Variants in MAP1LC3B2 observed in about 807,000 individuals in gnomAD.
The protein encoded by MAP1LC3B2 is microtubule associated protein 1 light chain 3 beta 2.
For synonymous variants in MAP1LC3B2, 62 were observed against 57.8 expected, an observed-to-expected ratio of 1.07 and a Z score of -0.33; for missense variants, 155 against 154.6, an observed-to-expected ratio of 1.00 and a Z score of -0.01.
intron 1 of MAP1LC3B2, among the ~76,000 whole-genome samples, chr12:116,569,104 C>T (rs546960955): frequency 5.9e-4 from 90 of 152,076 alleles, no homozygotes; most frequent in African/African-American, 2.1e-3. Flanking sequence ...CCTCATGATC[C>T]GCCCACCTCG....
At chr12:116,571,066 C>G (rs1869516256) in intron 1 of MAP1LC3B2, among the ~76,000 whole-genome samples, 1 of 152,200 alleles carries the variant, frequency 6.6e-6, no homozygotes, top group South Asian at 2.1e-4. Context: ...AGAAAATCTA[C>G]AAGTGGCCAA....
chr12:116,568,139 C>T (rs1289116347), intron 1 of MAP1LC3B2, among the ~76,000 whole-genome samples: 5 of 152,196 alleles, frequency 3.3e-5, no homozygotes, highest in Non-Finnish European at 7.3e-5. Flanking sequence ...CATTCTTTGT[C>T]GTCCTGGCAA....
chr12:116,566,616 T>TAAAAA lies in MAP1LC3B2; in HGVS notation c.-102+7202_-102+7206dup, dbSNP rs58530141. On this transcript the variant is annotated intron_variant, in intron 1 of 1. Transcript: ENST00000556529. ...GTACGTGGAACTGTGAGTCAGTGAT[T>TAAAAA]AAAAAAAAAAAAAAAAAAAAAAACA... 2.1e-3 allele frequency among the ~76,000 whole-genome samples: 188 copies of TAAAAA among 91,620 alleles called. 2 individuals carry two copies. Among genetic ancestry groups the TAAAAA allele is most frequent in the South Asian group, 4.9e-3 (12 of 2,432 alleles). The allele number at this position is 91,620 out of a possible 152,430, so 60.1% of individuals were successfully genotyped here. A position where few individuals can be genotyped will look rare whatever the true frequency, so the allele number is the denominator to read the frequency against.
chr12:116,574,922 A>G (rs1869628337), intron 1 of MAP1LC3B2, among the ~76,000 whole-genome samples: 1 of 151,862 alleles, frequency 6.6e-6, no homozygotes, highest in African/African-American at 2.4e-5. Flanking sequence ...AGCAAATGTC[A>G]GCGGGTGCAG....
At chr12:116,572,369 C>CTTTTTT (rs34609295) in intron 1 of MAP1LC3B2, among the ~76,000 whole-genome samples, 1 of 146,760 alleles carries the variant, frequency 6.8e-6, no homozygotes, top group African/African-American at 2.5e-5. Flanking sequence ...TGCCTCAGTT[C>CTTTTTT]TTTTTTTTTT....
chr12:116,575,847 C>G lies in MAP1LC3B2; in HGVS notation c.-96C>G. The G allele has an allele frequency of 1.4e-6, 2 of 1,463,368 alleles. No individual in the cohort carries two copies. The highest frequency in any genetic ancestry group is 1.9e-6 in the Non-Finnish European group (2 of 1,054,702). The allele number at this position is 1,463,368 out of a possible 1,614,324, so 90.6% of individuals were successfully genotyped here. A position where few individuals can be genotyped will look rare whatever the true frequency, so the allele number is the denominator to read the frequency against. On this transcript the variant is annotated 5_prime_UTR_variant, in exon 2 of 2. Coordinates refer to ENST00000556529, the MANE Select transcript of MAP1LC3B2 (RefSeq NM_001085481.3). ...TTGTTATTGTGCAAAAATAGCCTTA[C>G]ACGGCCACAGTCGGATTCGCTGCCG...
chr12:116,568,903 C>T (rs1350540611), intron 1 of MAP1LC3B2, among the ~76,000 whole-genome samples: 1 of 145,510 alleles, frequency 6.9e-6, no homozygotes, highest in Admixed American at 7.0e-5. Context: ...CTCTGTCTCC[C>T]AGGCTGGAGT....
At chr12:116,575,752 A>C in intron 1 of MAP1LC3B2, 90 bp from the exon 2 acceptor site, 1 of 654,992 alleles carries the variant, frequency 1.5e-6, no homozygotes, top group East Asian at 2.7e-5. Flanking sequence ...TCTGTAAAAG[A>C]ACAGATAGTA....
chr12:116,563,971 C>A (rs1003927457), intron 1 of MAP1LC3B2, among the ~76,000 whole-genome samples: 3 of 152,088 alleles, frequency 2.0e-5, no homozygotes, highest in African/African-American at 7.2e-5. Flanking sequence ...CCCCAAACTC[C>A]TGGGTTCAAG....
chr12:116,565,591 T>A (rs1869367071), intron 1 of MAP1LC3B2, among the ~76,000 whole-genome samples: 1 of 152,164 alleles, frequency 6.6e-6, no homozygotes, highest in African/African-American at 2.4e-5. Flanking sequence ...ACGGGAGAAC[T>A]AAGAAACAGT....
At chr12:116,564,835 C>T (rs1452115518) in intron 1 of MAP1LC3B2, among the ~76,000 whole-genome samples, 1 of 152,200 alleles carries the variant, frequency 6.6e-6, no homozygotes. Context: ...TGCATGGGAT[C>T]CTCCTCCCTG....
intron 1 of MAP1LC3B2, among the ~76,000 whole-genome samples, chr12:116,560,460 TG>T (rs1327218878): frequency 1.3e-5 from 2 of 151,910 alleles, no homozygotes; most frequent in Non-Finnish European, 2.9e-5. Flanking sequence ...TTGGCCAGGC[TG>T]GTCTCGAACT....
chr12:116,564,004 A>G (rs1343924763), intron 1 of MAP1LC3B2, among the ~76,000 whole-genome samples: 1 of 152,088 alleles, frequency 6.6e-6, no homozygotes, highest in African/African-American at 2.4e-5. Context: ...CTCAGCCTCC[A>G]AAGTAGCTGG....
intron 1 of MAP1LC3B2, among the ~76,000 whole-genome samples, chr12:116,570,680 A>G (rs533110135): frequency 2.0e-5 from 3 of 152,238 alleles, no homozygotes; most frequent in South Asian, 2.1e-4. Flanking sequence ...GCCTTCCACC[A>G]TGATTGTGAG....
At chr12:116,567,350 G>A (rs928450053) in intron 1 of MAP1LC3B2, among the ~76,000 whole-genome samples, 1 of 151,860 alleles carries the variant, frequency 6.6e-6, no homozygotes, top group Non-Finnish European at 1.5e-5. Flanking sequence ...AGAAATCATG[G>A]TAATTTCATG....
At chr12:116,574,507 G>A (rs1446475130) in intron 1 of MAP1LC3B2, among the ~76,000 whole-genome samples, 3 of 152,078 alleles carry the variant, frequency 2.0e-5, no homozygotes, top group African/African-American at 7.2e-5. Context: ...ATAGCTGGGT[G>A]TGGTGGCGTG....
chr12:116,576,591 T>TAAAAA lies in MAP1LC3B2; in HGVS notation c.*282_*286dup. ...TTTAAAAATAAAATACTTTGCATTC[T>TAAAAA]AAAAAAAAAAAAAAATTGCCTTACA... On this transcript the variant is annotated 3_prime_UTR_variant, in exon 2 of 2. Transcript: ENST00000556529. The TAAAAA allele has an allele frequency of 1.1e-5, 3 of 263,712 alleles. No homozygotes were observed. Among genetic ancestry groups the TAAAAA allele is most frequent in the Non-Finnish European group, 1.5e-5 (2 of 131,768 alleles). The allele number at this position is 263,712 out of a possible 1,614,324, so 16.3% of individuals were successfully genotyped here.
At chr12:116,572,466 A>G (rs1192405864) in intron 1 of MAP1LC3B2, among the ~76,000 whole-genome samples, 2 of 150,554 alleles carry the variant, frequency 1.3e-5, no homozygotes, top group Non-Finnish European at 2.9e-5. Flanking sequence ...CCAGGCCCAC[A>G]CCATTCTCCT....
rs987484023 is a variant in MAP1LC3B2, at chr12:116,575,238, GA to G, written c.-101-597del. ...CAATTTTTATTAAAAAAATAAAGAA[GA>G]AAAAAAGTCAAACTCTGAAAGGGAG... On this transcript the variant is annotated intron_variant, in intron 1 of 1. Coordinates refer to ENST00000556529, the MANE Select transcript of MAP1LC3B2 (RefSeq NM_001085481.3). 4.7e-4 allele frequency among the ~76,000 whole-genome samples: 69 copies of G among 147,892 alleles called. 2 individuals are homozygous for G. Among genetic ancestry groups the G allele is most frequent in the Admixed American group, 2.7e-4 (4 of 14,890 alleles).
Sources: gnomAD v4.1 joint callset for allele counts (sites outside exome capture counted in the v4.1 genomes callset) on GRCh38, gnomAD v4.1.1 for gene constraint, MANE v1.5 for transcripts, NCBI Gene and HGNC (gene_info 2026-07-23, HGNC 2026-07-21) for gene names.